ECPAS: variants seen among roughly 807,000 people sequenced by gnomAD.
ECPAS encodes Ecm29 proteasome adaptor and scaffold, also known as proteasome adapter and scaffold protein ECM29.
A neutral mutation model predicts 255.1 loss-of-function variants in ECPAS; 70 were observed. The ratio of observed to expected loss-of-function variants is 0.27; its 90% CI spans 0.23 to 0.33. ECPAS has a LOEUF of 0.33. Ranked by LOEUF, ECPAS falls within the 10% of genes least tolerant of loss-of-function variation. The pLI is 1.00. For synonymous variants in ECPAS, 784 were observed against 775.0 expected (o/e 1.01, Z -0.19); for missense variants, 1,817 against 2,206.4 (o/e 0.82, Z 3.54).
At chr9:111,478,121 G>A (rs1013778827) in intron 1 of ECPAS, among the ~76,000 whole-genome samples, 4 of 151,128 alleles carry the variant, frequency 2.6e-5, no homozygotes, top group African/African-American at 9.7e-5. Context: ...GGCTGGTCTC[G>A]AACTCCTGGA....
Position 111,437,087 on chromosome 9 carries a change from C to G in ECPAS, c.561G>C (p.Gln187His), listed in dbSNP as rs2098239281. 6.2e-7 allele frequency: 1 copy of G among 1,606,040 alleles called. No homozygotes were observed. Among genetic ancestry groups the G allele is most frequent in the South Asian group, 1.1e-5 (1 of 89,350 alleles). Residue 187 changes from glutamine to histidine, a missense_variant, in exon 7 of 50, where the codon CAG becomes CAC. Gln to His is a conservative substitution (Grantham distance 24). Coordinates refer to ENST00000684092, the MANE Select transcript of ECPAS (RefSeq NM_001364929.1). ...MPYGYVLNES[Q>H]SRQNSSSAQG... The stretch of plus-strand genomic sequence containing the variant: ...GTGCTGAAGATGAATTTTGGCGACT[C>G]TGGGATTCATTTAACACGTAACTGG...
At chr9:111,448,598 G>A (rs1179399623) in intron 3 of ECPAS, among the ~76,000 whole-genome samples, 2 of 152,206 alleles carry the variant, frequency 1.3e-5, no homozygotes, top group Non-Finnish European at 2.9e-5. Context: ...ACAGGTTCAA[G>A]ACATGAATGC....
At chr9:111,483,942 C>G in intron 1 of ECPAS, 174 bp downstream of exon 1, 1 of 915,602 alleles carries the variant, frequency 1.1e-6, no homozygotes, top group Non-Finnish European at 1.3e-6. Flanking sequence ...GGGCCCCTCG[C>G]GCGCCCGCCC....
intron 31 of ECPAS, among the ~76,000 whole-genome samples, chr9:111,387,155 CAG>C (rs1306212506): frequency 2.0e-5 from 3 of 152,076 alleles, no homozygotes; most frequent in Non-Finnish European, 2.9e-5. Flanking sequence ...TATTGAGGGA[CAG>C]AGTCTCACTC....
At chr9:111,476,683 G>T (rs2098296691) in intron 1 of ECPAS, among the ~76,000 whole-genome samples, 1 of 149,472 alleles carries the variant, frequency 6.7e-6, no homozygotes. Context: ...CCGGGTTCAA[G>T]TGGGAGTCTC....
intron 48 of ECPAS, 107 bp from the exon 49 acceptor site, chr9:111,363,766 G>A: frequency 1.6e-6 from 1 of 643,458 alleles, no homozygotes; most frequent in Non-Finnish European, 2.7e-6. Flanking sequence ...CAACTCTAGG[G>A]AAGGGTATAT....
chr9:111,411,821 A>G, intron 21 of ECPAS, 193 bp downstream of exon 21: 4 of 493,788 alleles, frequency 8.1e-6, no homozygotes, highest in Non-Finnish European at 1.4e-5. Flanking sequence ...AGTGCTTATC[A>G]GACACAGCAC....
At chr9:111,438,405 C>T (rs145484152) in intron 6 of ECPAS, among the ~76,000 whole-genome samples, 28 of 151,906 alleles carry the variant, frequency 1.8e-4, no homozygotes, top group Admixed American at 6.6e-4. Context: ...GTGGGAGGAT[C>T]GCTTGAGTCC....
intron 1 of ECPAS, among the ~76,000 whole-genome samples, chr9:111,476,490 A>G (rs1796883541): frequency 6.6e-6 from 1 of 152,180 alleles, no homozygotes; most frequent in Non-Finnish European, 1.5e-5. Flanking sequence ...AGATTTCAGA[A>G]CTGCCTTTAA....
chr9:111,389,799 A>C, intron 30 of ECPAS, 76 bp from the exon 31 acceptor site: 9 of 1,429,688 alleles, frequency 6.3e-6, no homozygotes, highest in Non-Finnish European at 8.5e-6. Flanking sequence ...TTCTCCCTCC[A>C]AACTTATGCC....
intron 46 of ECPAS, among the ~76,000 whole-genome samples, chr9:111,367,328 A>G (rs539572132): frequency 5.9e-5 from 9 of 152,224 alleles, no homozygotes; most frequent in Non-Finnish European, 1.3e-4. Context: ...TGTTTTAAAG[A>G]AACAAAACCC....
rs2098124195 is a variant in ECPAS, at chr9:111,369,085, C to A, written c.5063G>T (p.Gly1688Val). The A allele has an allele frequency of 8.1e-6, 13 of 1,604,550 alleles. No individual in the cohort carries two copies. Among genetic ancestry groups the A allele is most frequent in the Non-Finnish European group, 1.1e-5 (13 of 1,176,428 alleles). Residue 1688 changes from glycine (G) to valine (V), a missense_variant, in exon 46 of 50, where the codon GGT becomes GTT. Physicochemically the swap from Gly to Val is moderately radical, Grantham distance 109. Coordinates refer to ENST00000684092, the MANE Select transcript of ECPAS (RefSeq NM_001364929.1). ...EKELQLEYLL[G>V]AFESLGKAWP... The stretch of plus-strand genomic sequence containing the variant: ...GGCTTTGCCCAGGCTTTCAAAGGCA[C>A]CCAGCAGATATTCCAGCTGGAGCTC...
chr9:111,446,491 T>C (rs1480609092), intron 3 of ECPAS, among the ~76,000 whole-genome samples: 1 of 152,208 alleles, frequency 6.6e-6, no homozygotes, highest in East Asian at 1.9e-4. Context: ...GCTGTAGAGA[T>C]GTTTGACACC....
chr9:111,410,342 G>T, intron 22 of ECPAS, 129 bp from the exon 23 acceptor site: 1 of 678,218 alleles, frequency 1.5e-6, no homozygotes, highest in Non-Finnish European at 2.4e-6. Flanking sequence ...TCTTCTAGTT[G>T]ACAATTTGCC....
At chr9:111,468,628 TGAGA>T (rs199930694) in intron 2 of ECPAS, among the ~76,000 whole-genome samples, 6,877 of 140,000 alleles carry the variant, frequency 0.049, 445 homozygotes, top group African/African-American at 0.15. Context: ...AGAGAGTGAG[TGAGA>T]GAGAGAGAGA....
At chr9:111,439,647 G>C (rs1236130081) in intron 6 of ECPAS, among the ~76,000 whole-genome samples, 1 of 152,040 alleles carries the variant, frequency 6.6e-6, no homozygotes, top group African/African-American at 2.4e-5. Context: ...CAGACAGAAA[G>C]GCGTTCTCTT....
chr9:111,395,484 T>G (rs1159970196), intron 25 of ECPAS, among the ~76,000 whole-genome samples: 1 of 152,196 alleles, frequency 6.6e-6, no homozygotes, highest in Non-Finnish European at 1.5e-5. Context: ...TATTTTATGT[T>G]TTCCTTTCCC....
chr9:111,475,935 T>C (rs2098295697), intron 1 of ECPAS, among the ~76,000 whole-genome samples: 1 of 152,198 alleles, frequency 6.6e-6, no homozygotes. Context: ...TTTAAGCAAT[T>C]AGCTCTTAGG....
At chr9:111,381,947 A>G (rs2098141067) in intron 35 of ECPAS, among the ~76,000 whole-genome samples, 1 of 151,782 alleles carries the variant, frequency 6.6e-6, no homozygotes. Context: ...GTCATTTAAC[A>G]TGTTCCTCTT....
Sources: gnomAD v4.1 joint callset for allele counts (sites outside exome capture counted in the v4.1 genomes callset) on GRCh38, gnomAD v4.1.1 for gene constraint, MANE v1.5 for transcripts, NCBI Gene and HGNC (gene_info 2026-07-23, HGNC 2026-07-21) for gene names.